The following PPP1R12B variants were observed in gnomAD, a reference collection of about 807,000 sequenced individuals.
PPP1R12B encodes the protein myosin phosphatase target subunit 2.
Under a neutral mutation model 126.1 loss-of-function variants are expected in PPP1R12B, and 76 were observed. The observed-to-expected ratio is 0.60, with a 90% CI of 0.50 to 0.73. PPP1R12B has a LOEUF of 0.73. PPP1R12B is among the 30% of genes least tolerant of loss of function. The probability of loss-of-function intolerance (pLI) is 0.00; values close to 1 mark genes in which losing one functional copy is unlikely to be tolerated. For missense variants in PPP1R12B, 1,052 were observed against 1,205.1 expected (o/e 0.87, Z 1.88); for synonymous variants, 356 against 434.7 (o/e 0.82, Z 2.25).
At chr1:202,359,291 C>T (rs530073704) in intron 1 of PPP1R12B, among the ~76,000 whole-genome samples, 5 of 151,888 alleles carry the variant, frequency 3.3e-5, no homozygotes, top group Non-Finnish European at 4.4e-5. Context: ...CCCCCACGCC[C>T]GGCTAATTTT....
intron 19 of PPP1R12B, 189 bp from the exon 20 acceptor site, chr1:202,562,589 G>A (rs531344991): frequency 3.3e-5 from 25 of 769,152 alleles, no homozygotes; most frequent in South Asian, 2.7e-4. Context: ...CCCTCTCCAA[G>A]CTCGTGCAGT....
intron 20 of PPP1R12B, among the ~76,000 whole-genome samples, chr1:202,564,210 T>C (rs1374485470): frequency 1.3e-5 from 2 of 152,114 alleles, no homozygotes; most frequent in South Asian, 2.1e-4. Context: ...TGACTGTTTT[T>C]CCCCCAGAGA....
rs938498613 is a variant in PPP1R12B at position 202,588,627 on chromosome 1, T to G, written c.*8067T>G. 2.6e-5 allele frequency: 4 copies of G among 152,422 alleles called. No homozygotes were observed. Among genetic ancestry groups the G allele is most frequent in the Non-Finnish European group, 4.4e-5 (3 of 68,020 alleles). The allele number at this position is 152,422 out of a possible 1,614,324, so 9.4% of individuals were successfully genotyped here. A position where few individuals can be genotyped will look rare whatever the true frequency, so the allele number is the denominator to read the frequency against. ...CTAGAATCTCACATCTGGGGCAGCCTCTTCTGATTTTACATCTTATCATTG... is the reference window on the plus strand; with the variant it reads ...CTAGAATCTCACATCTGGGGCAGCCGCTTCTGATTTTACATCTTATCATTG... On this transcript the variant is annotated 3_prime_UTR_variant, in exon 24 of 24. Transcript: ENST00000608999.
intron 1 of PPP1R12B, among the ~76,000 whole-genome samples, chr1:202,373,726 C>T (rs1438428207): frequency 6.6e-6 from 1 of 151,282 alleles, no homozygotes; most frequent in Non-Finnish European, 1.5e-5. Context: ...TGTTTAGTTT[C>T]CAGTAGCTTC....
intron 2 of PPP1R12B, among the ~76,000 whole-genome samples, chr1:202,421,320 T>TA (rs1232276486): frequency 6.7e-6 from 1 of 149,860 alleles, no homozygotes; most frequent in Admixed American, 6.7e-5. Context: ...TTTTTTTTTT[T>TA]AAATCTCCTA....
intron 18 of PPP1R12B, among the ~76,000 whole-genome samples, chr1:202,543,467 G>T (rs566577973): frequency 6.6e-6 from 1 of 152,114 alleles, no homozygotes; most frequent in Non-Finnish European, 1.5e-5. Flanking sequence ...CCAGCTGGGC[G>T]CAGTGGCTCA....
chr1:202,362,191 TTG>T (rs1658341393), intron 1 of PPP1R12B, among the ~76,000 whole-genome samples: 1 of 152,176 alleles, frequency 6.6e-6, no homozygotes, highest in East Asian at 1.9e-4. Context: ...CCAAAACAGA[TTG>T]TGTTTGGGTC....
At chr1:202,440,224 T>G (rs1346907748) in intron 10 of PPP1R12B, among the ~76,000 whole-genome samples, 2 of 152,226 alleles carry the variant, frequency 1.3e-5, no homozygotes, top group African/African-American at 4.8e-5. Flanking sequence ...TCTTGCTTTA[T>G]ATCTCTGGAG....
Position 202,508,463 on chromosome 1 carries a change from TA to T in PPP1R12B, c.2490+11643del, listed in dbSNP as rs777063699. On this transcript the variant is annotated intron_variant, in intron 18 of 23. Coordinates refer to ENST00000608999, the MANE Select transcript of PPP1R12B (RefSeq NM_002481.4). The surrounding 1 kb of genome is among the most constrained non-coding windows in gnomAD (Gnocchi z 4.5). ...TCCATTGGCAAATTAATACCTAGCA[TA>T]ATACATAATACAAGTACTTATTATG... Among the ~76,000 whole-genome samples the T allele has an allele frequency of 1.1e-4, 17 of 152,242 alleles. No individual in the cohort carries two copies. Among genetic ancestry groups the T allele is most frequent in the Non-Finnish European group, 2.2e-4 (15 of 68,038 alleles).
At chr1:202,451,722 G>A (rs1446192054) in intron 13 of PPP1R12B, among the ~76,000 whole-genome samples, 1 of 151,786 alleles carries the variant, frequency 6.6e-6, no homozygotes, top group Non-Finnish European at 1.5e-5. Flanking sequence ...GGGCAGAGGG[G>A]CTCCTCACTT....
chr1:202,558,707 G>A (rs2149002564), intron 18 of PPP1R12B, 170 bp from the exon 19 acceptor site: 1 of 551,064 alleles, frequency 1.8e-6, no homozygotes, highest in Non-Finnish European at 3.2e-6. Flanking sequence ...CCTTTGTGTA[G>A]TCAATTTGAT....
At chr1:202,351,316 GCAA>G in intron 1 of PPP1R12B, among the ~76,000 whole-genome samples, 1 of 121,672 alleles carries the variant, frequency 8.2e-6, no homozygotes, top group Admixed American at 8.8e-5. Flanking sequence ...CTCACTGCAT[GCAA>G]CCTCCGTCTC....
chr1:202,561,892 A>G (rs1001242612), intron 19 of PPP1R12B, among the ~76,000 whole-genome samples: 1 of 152,160 alleles, frequency 6.6e-6, no homozygotes, highest in Admixed American at 6.5e-5. Flanking sequence ...AATAGCTACC[A>G]CAGGACAGAT....
intron 13 of PPP1R12B, among the ~76,000 whole-genome samples, chr1:202,463,322 T>C (rs1674548722): frequency 6.6e-6 from 1 of 152,166 alleles, no homozygotes. Context: ...AAGATTAGGG[T>C]AGCAGAGGAC....
chr1:202,397,967 A>G (rs1665237708), intron 1 of PPP1R12B, among the ~76,000 whole-genome samples: 1 of 152,190 alleles, frequency 6.6e-6, no homozygotes, highest in Non-Finnish European at 1.5e-5. Context: ...GCTGGAGTGC[A>G]GTGGTGCAAT....
chr1:202,569,035 CAGCA>C, intron 22 of PPP1R12B, 108 bp from the exon 23 acceptor site: 1 of 1,183,510 alleles, frequency 8.4e-7, no homozygotes, highest in South Asian at 1.3e-5. Context: ...TTGCCTGAGT[CAGCA>C]GACAAACCTT....
intron 21 of PPP1R12B, chr1:202,567,549 C>CGTATT: frequency 1.9e-6 from 1 of 528,290 alleles, no homozygotes; most frequent in East Asian, 3.0e-5. Context: ...TCAGGGAATA[C>CGTATT]TACTACTGCC....
chr1:202,568,547 C>A (rs1394696713), intron 22 of PPP1R12B, among the ~76,000 whole-genome samples: 1 of 152,210 alleles, frequency 6.6e-6, no homozygotes, highest in Non-Finnish European at 1.5e-5. Context: ...TGTAACCAAA[C>A]TTCCTTGGTA....
intron 1 of PPP1R12B, among the ~76,000 whole-genome samples, chr1:202,353,169 A>C (rs1410440090): frequency 1.3e-5 from 2 of 152,224 alleles, no homozygotes; most frequent in African/African-American, 4.8e-5. Context: ...GTTCAGTTCA[A>C]TATAAAATAG....
Sources: gnomAD v4.1 joint callset for allele counts (sites outside exome capture counted in the v4.1 genomes callset) on GRCh38, gnomAD v4.1.1 for gene constraint, Gnocchi (gnomAD v3.1) non-coding constraint, MANE v1.5 for transcripts, NCBI Gene and HGNC (gene_info 2026-07-23, HGNC 2026-07-21) for gene names.